TLR5: variants seen among roughly 807,000 people sequenced by gnomAD.
The protein encoded by TLR5 is toll like receptor 5, also known as toll-like receptor 5.
For missense variants in TLR5, 944 were observed against 999.8 expected (o/e 0.94, Z 0.75); for synonymous variants, 373 against 384.4 (o/e 0.97, Z 0.35).
intron 5 of TLR5, among the ~76,000 whole-genome samples, chr1:223,116,008 C>T (rs540009780): frequency 1.1e-4 from 17 of 152,198 alleles, no homozygotes; most frequent in Non-Finnish European, 8.8e-5. Context: ...CTTACTGTGG[C>T]GAGATCTCAC....
chr1:223,111,292 CTTG>C lies in TLR5; in HGVS notation c.1737_1739del (p.Asn579del). ...TGCTAAGTTCACATTCACAAATGAA[CTTG>C]TTATGAGTTATATCCAAGACACTAA... On this transcript the variant is annotated inframe_deletion, in exon 6 of 6. Transcript: ENST00000642603. The C allele has an allele frequency of 6.2e-7, 1 of 1,614,098 alleles. No homozygotes were observed. The highest frequency in any genetic ancestry group is 1.6e-4 in the Middle Eastern group (1 of 6,062).
In TLR5 at chr1:223,110,924, T is replaced by C. The variant is rs763064917; in HGVS notation, c.2108A>G (p.Asp703Gly). The change falls in exon 6 of 6, where the codon GAC becomes GGC. Residue 703 changes from aspartate (D) to glycine (G), a missense_variant. Asp to Gly is a moderately conservative substitution (Grantham distance 94, BLOSUM62 -1). Transcript: ENST00000642603. Reference protein sequence around the residue: ...YDAYLCFSSKDFTWVQNALLK... With the variant: ...YDAYLCFSSKGFTWVQNALLK... ...CAAAGCATTCTGCACCCATGTGAAGTCTTTGCTGCTGAAGCACAAATAGGC... is the reference window on the plus strand; with the variant it reads ...CAAAGCATTCTGCACCCATGTGAAGCCTTTGCTGCTGAAGCACAAATAGGC... 1.2e-6 allele frequency: 2 copies of C among 1,614,142 alleles called. No homozygotes were observed. Among genetic ancestry groups the C allele is most frequent in the African/African-American group, 2.7e-5 (2 of 74,944 alleles).
At chr1:223,132,825 T>C (rs1409638836) in intron 4 of TLR5, among the ~76,000 whole-genome samples, 186 bp from the exon 5 acceptor site, 1 of 152,184 alleles carries the variant, frequency 6.6e-6, no homozygotes, top group Non-Finnish European at 1.5e-5. Flanking sequence ...AACACCAAGG[T>C]TGAAGTTGGG....
chr1:223,111,442 T>A lies in TLR5; in HGVS notation c.1590A>T (p.Gly530=). 6.2e-7 allele frequency: 1 copy of A among 1,614,154 alleles called. No homozygotes were observed. Reference sequence around the variant, plus strand: ...TCAGCCTGTTGGAGTTGAGGCTTAGTCCCCTTAATGCAGTCAGATGGCTAA... The same window carrying A: ...TCAGCCTGTTGGAGTTGAGGCTTAGACCCCTTAATGCAGTCAGATGGCTAA... ...GVFSHLTALR[G]LSLNSNRLTV... The change falls in exon 6 of 6, where the codon GGA becomes GGT. Residue 530 remains glycine (G), a synonymous_variant. Coordinates refer to ENST00000642603, the MANE Select transcript of TLR5 (RefSeq NM_003268.6).
intron 5 of TLR5, chr1:223,128,198 G>T (rs1657250809): frequency 6.6e-6 from 1 of 152,184 alleles, no homozygotes; most frequent in South Asian, 2.1e-4. Flanking sequence ...CTATTACTGG[G>T]TACCATTACT....
At chr1:223,116,600 G>A (rs1656665908) in intron 5 of TLR5, among the ~76,000 whole-genome samples, 1 of 152,128 alleles carries the variant, frequency 6.6e-6, no homozygotes, top group African/African-American at 2.4e-5. Context: ...GACCGCAGTG[G>A]GCTGCCACTG....
At position 223,112,093 on chromosome 1, in the gene TLR5, A is replaced by C. The variant is rs138119490; in HGVS notation, c.939T>G (p.Asp313Glu). 7.2e-5 allele frequency: 117 copies of C among 1,614,220 alleles called. No homozygotes were observed. In the African/African-American group the frequency reaches 1.4e-3, roughly 20 times the overall value. The change falls in exon 6 of 6, where the codon GAT becomes GAG. Residue 313 changes from aspartate to glutamate, a missense_variant. Coordinates refer to ENST00000642603, the MANE Select transcript of TLR5 (RefSeq NM_003268.6). The part of the protein sequence containing the change: ...LNSRVFETLK[D>E]LKVLNLAYNK... The stretch of plus-strand genomic sequence containing the variant: ...TGTAGGCAAGGTTCAGAACCTTCAA[A>C]TCCTTGAGTGTCTCAAAGACTCGTG...
intron 5 of TLR5, among the ~76,000 whole-genome samples, chr1:223,129,753 C>T (rs1359748661): frequency 6.6e-6 from 1 of 152,200 alleles, no homozygotes; most frequent in Admixed American, 6.5e-5. Flanking sequence ...CAGGTTTCTC[C>T]TCAGAGCCAT....
At chr1:223,115,669 TA>T (rs1159445646) in intron 5 of TLR5, among the ~76,000 whole-genome samples, 1 of 152,018 alleles carries the variant, frequency 6.6e-6, no homozygotes, top group Non-Finnish European at 1.5e-5. Context: ...AGGAAATAGG[TA>T]CTGACAGGCA....
intron 5 of TLR5, among the ~76,000 whole-genome samples, chr1:223,117,740 T>G (rs1656749442): frequency 1.3e-5 from 2 of 152,144 alleles, no homozygotes; most frequent in Admixed American, 1.3e-4. Context: ...AGCTGCCTCC[T>G]AGGAAACTGT....
rs1179993851 is a variant in TLR5, at chr1:223,110,185, G to A, written c.*270C>T. 6.0e-6 allele frequency: 3 copies of A among 496,540 alleles called. No homozygotes were observed. The highest frequency in any genetic ancestry group is 1.1e-5 in the Non-Finnish European group (3 of 276,898). The allele number at this position is 496,540 out of a possible 1,614,324, so 30.8% of individuals were successfully genotyped here. A position where few individuals can be genotyped will look rare whatever the true frequency, so the allele number is the denominator to read the frequency against. Reference sequence around the variant, plus strand: ...ATACATTCCATAATCAACACAGCAGGACAGAACGGTATTATTGGATCTGAA... The same window carrying A: ...ATACATTCCATAATCAACACAGCAGAACAGAACGGTATTATTGGATCTGAA... On this transcript the variant is annotated 3_prime_UTR_variant, in exon 6 of 6. Coordinates refer to ENST00000642603, the MANE Select transcript of TLR5 (RefSeq NM_003268.6).
intron 5 of TLR5, among the ~76,000 whole-genome samples, chr1:223,113,433 T>C (rs189368494): frequency 6.0e-4 from 91 of 152,302 alleles, no homozygotes; most frequent in African/African-American, 1.9e-3. Context: ...CTCCAACTTG[T>C]GGGCTCAAGT....
intron 5 of TLR5, among the ~76,000 whole-genome samples, chr1:223,116,982 G>A (rs1254610054): frequency 6.6e-6 from 1 of 152,210 alleles, no homozygotes; most frequent in Non-Finnish European, 1.5e-5. Flanking sequence ...GTCCTTGGGT[G>A]GTCGATGGGA....
chr1:223,133,032 C>T (rs535865347), intron 4 of TLR5, among the ~76,000 whole-genome samples: 11 of 152,254 alleles, frequency 7.2e-5, no homozygotes, highest in African/African-American at 9.6e-5. Flanking sequence ...AATGGTCTTG[C>T]GGCTCTCTAG....
chr1:223,139,817 A>C (rs1179122389), intron 2 of TLR5, among the ~76,000 whole-genome samples: 1 of 152,212 alleles, frequency 6.6e-6, no homozygotes, highest in Non-Finnish European at 1.5e-5. Context: ...GCTCCATCTA[A>C]TTTATCCAAT....
At chr1:223,141,812 TATATATATATAGAGAGAGAGAGAG>T (rs1457507835) in intron 1 of TLR5, 49 bp from the exon 2 acceptor site, 4 of 57,792 alleles carry the variant, frequency 6.9e-5, no homozygotes, top group Non-Finnish European at 9.7e-5. Context: ...TATATATATA[TATATATATATAGAGAGAGAGAGAG>T]AGAGAGAGAG....
intron 5 of TLR5, among the ~76,000 whole-genome samples, chr1:223,130,458 C>T (rs868666651): frequency 1.3e-5 from 2 of 152,310 alleles, no homozygotes; most frequent in East Asian, 3.9e-4. Flanking sequence ...CCTCCCTCTT[C>T]GTGGCCCTGC....
chr1:223,137,950 ATTTTTTTTTTT>A (rs3044335), intron 2 of TLR5, among the ~76,000 whole-genome samples: 3 of 84,566 alleles, frequency 3.5e-5, no homozygotes, highest in Non-Finnish European at 6.2e-5. Context: ...GGCTTTTTAA[ATTTTTTTTTTT>A]TTTTTTTTTT....
chr1:223,133,831 C>G (rs550707658), intron 4 of TLR5, among the ~76,000 whole-genome samples: 3 of 152,244 alleles, frequency 2.0e-5, no homozygotes, highest in Admixed American at 2.0e-4. Context: ...TGCGCTTTCC[C>G]TAGAGACCAG....
Sources: gnomAD v4.1 joint callset for allele counts (sites outside exome capture counted in the v4.1 genomes callset) on GRCh38, gnomAD v4.1.1 for gene constraint, MANE v1.5 for transcripts, NCBI Gene and HGNC (gene_info 2026-07-23, HGNC 2026-07-21) for gene names.